Variants in PDE8A observed in about 807,000 individuals in gnomAD.
PDE8A encodes the protein high affinity cAMP-specific and IBMX-insensitive 3',5'-cyclic phosphodiesterase 8A.
A neutral mutation model predicts 105.0 loss-of-function variants in PDE8A; 59 were observed. That is an observed-to-expected ratio of 0.56 (90% confidence interval 0.46 to 0.70). PDE8A has a LOEUF of 0.70. Among genes scored for constraint, PDE8A ranks in the 30% least tolerant of loss-of-function variants. The probability of loss-of-function intolerance (pLI) is 0.00; values close to 1 mark genes in which losing one functional copy is unlikely to be tolerated. For synonymous variants in PDE8A, 355 were observed against 371.9 expected (o/e 0.95, Z 0.52); for missense variants, 1,014 against 1,045.9 (o/e 0.97, Z 0.42).
intron 1 of PDE8A, among the ~76,000 whole-genome samples, chr15:85,058,023 C>T (rs995599571): frequency 6.6e-6 from 1 of 151,864 alleles, no homozygotes; most frequent in Non-Finnish European, 1.5e-5. Flanking sequence ...TTGTTGTTGT[C>T]GTTGTTTTGT....
chr15:85,134,527 T>A (rs1318392551), intron 20 of PDE8A, among the ~76,000 whole-genome samples: 1 of 105,928 alleles, frequency 9.4e-6, no homozygotes, highest in Non-Finnish European at 1.8e-5. Context: ...CAGCGGATGC[T>A]GGGCCAGCGT....
chr15:85,112,064 A>G (rs570602995), intron 12 of PDE8A, among the ~76,000 whole-genome samples: 4 of 152,170 alleles, frequency 2.6e-5, no homozygotes, highest in African/African-American at 9.7e-5. Context: ...ACTGTAAAAG[A>G]AGAGGAGTGC....
At chr15:85,043,313 G>C (rs889366484) in intron 1 of PDE8A, among the ~76,000 whole-genome samples, 1 of 152,150 alleles carries the variant, frequency 6.6e-6, no homozygotes, top group Admixed American at 6.5e-5. Context: ...GGGGCAGCCT[G>C]TAGACCCCCC....
intron 19 of PDE8A, among the ~76,000 whole-genome samples, chr15:85,123,925 C>T (rs1416516206): frequency 6.6e-6 from 1 of 152,220 alleles, no homozygotes; most frequent in Admixed American, 6.5e-5. Flanking sequence ...CTGCACCCTT[C>T]CTCACTAATA....
chr15:85,124,855 T>C (rs1306383083), intron 19 of PDE8A, among the ~76,000 whole-genome samples: 2 of 152,206 alleles, frequency 1.3e-5, no homozygotes, highest in Non-Finnish European at 2.9e-5. Context: ...CTTGGTTTCC[T>C]CTGTCTAGTC....
At chr15:85,024,502 C>T (rs749244198) in intron 1 of PDE8A, among the ~76,000 whole-genome samples, 5 of 151,444 alleles carry the variant, frequency 3.3e-5, no homozygotes, top group Non-Finnish European at 5.9e-5. Flanking sequence ...TTTTAGTGAC[C>T]AACTAATTTC....
At chr15:85,024,605 A>G (rs992939999) in intron 1 of PDE8A, among the ~76,000 whole-genome samples, 9 of 150,796 alleles carry the variant, frequency 6.0e-5, no homozygotes, top group South Asian at 2.1e-4. Context: ...TTGTTACATT[A>G]ACTTCCCTTT....
chr15:85,134,561 C>T (rs755819468), intron 20 of PDE8A, among the ~76,000 whole-genome samples: 1 of 151,702 alleles, frequency 6.6e-6, no homozygotes, highest in Non-Finnish European at 1.5e-5. Context: ...TACCAAAGCA[C>T]GTGAATCCCA....
At chr15:85,034,334 A>G (rs2080667424) in intron 1 of PDE8A, among the ~76,000 whole-genome samples, 1 of 152,220 alleles carries the variant, frequency 6.6e-6, no homozygotes. Flanking sequence ...TCGAAGATAA[A>G]CTTCAGTCCA....
At chr15:85,062,488 A>G (rs1342485281) in intron 1 of PDE8A, 1 of 152,260 alleles carries the variant, frequency 6.6e-6, no homozygotes, top group Admixed American at 6.5e-5. Flanking sequence ...CTAGCCCTTT[A>G]AATCTCCTAG....
intron 1 of PDE8A, among the ~76,000 whole-genome samples, chr15:85,057,992 G>A (rs897205447): frequency 1.3e-5 from 2 of 152,084 alleles, no homozygotes; most frequent in African/African-American, 4.8e-5. Flanking sequence ...ATATTGGCCT[G>A]TAATTTTCTT....
chr15:85,040,305 C>G (rs1320081713), intron 1 of PDE8A, among the ~76,000 whole-genome samples: 1 of 57,106 alleles, frequency 1.8e-5, no homozygotes, highest in Non-Finnish European at 3.7e-5. Flanking sequence ...ATCTGCCCAC[C>G]TTGGCGCCTC....
At chr15:85,054,052 C>G (rs2081019447) in intron 1 of PDE8A, among the ~76,000 whole-genome samples, 1 of 152,116 alleles carries the variant, frequency 6.6e-6, no homozygotes, top group Admixed American at 6.5e-5. Context: ...TGTCAAAGGC[C>G]TTTTCTGCAT....
intron 1 of PDE8A, among the ~76,000 whole-genome samples, chr15:85,030,467 A>G (rs926366850): frequency 6.6e-6 from 1 of 152,126 alleles, no homozygotes; most frequent in African/African-American, 2.4e-5. Context: ...GAGCAGCTCT[A>G]AAAACCTGAG....
chr15:85,037,263 C>G (rs929200892), intron 1 of PDE8A, among the ~76,000 whole-genome samples: 1 of 152,086 alleles, frequency 6.6e-6, no homozygotes, highest in Non-Finnish European at 1.5e-5. Flanking sequence ...CAGGGTTTCT[C>G]TATGTTGGTC....
At chr15:85,076,364 A>T (rs534836684) in intron 4 of PDE8A, among the ~76,000 whole-genome samples, 7 of 151,968 alleles carry the variant, frequency 4.6e-5, no homozygotes, top group Non-Finnish European at 1.0e-4. Context: ...AAATGTTTCT[A>T]TGTACTTTAA....
At chr15:85,042,037 T>C (rs989900670) in intron 1 of PDE8A, among the ~76,000 whole-genome samples, 13 of 152,018 alleles carry the variant, frequency 8.6e-5, no homozygotes, top group African/African-American at 2.9e-4. Flanking sequence ...TTAGACATAA[T>C]TAGTAGTAAA....
At chr15:85,066,458 G>C (rs2081226337) in intron 2 of PDE8A, among the ~76,000 whole-genome samples, 3 of 151,934 alleles carry the variant, frequency 2.0e-5, no homozygotes, top group Non-Finnish European at 4.4e-5. Context: ...CCAGCCACTG[G>C]GGGCTCTGAG....
intron 1 of PDE8A, among the ~76,000 whole-genome samples, chr15:84,985,031 T>C (rs892648426): frequency 2.0e-5 from 3 of 152,210 alleles, no homozygotes; most frequent in Non-Finnish European, 2.9e-5. Context: ...GTAGGGCTTG[T>C]CAGAGAACCT....
Sources: gnomAD v4.1 joint callset for allele counts (sites outside exome capture counted in the v4.1 genomes callset) on GRCh38, gnomAD v4.1.1 for gene constraint, MANE v1.5 for transcripts, NCBI Gene and HGNC (gene_info 2026-07-23, HGNC 2026-07-21) for gene names.